Variants in AUTS2 observed in about 807,000 individuals in gnomAD.
AUTS2 encodes activator of transcription and developmental regulator AUTS2.
A neutral mutation model predicts 112.4 loss-of-function variants in AUTS2; 17 were observed. That is an observed-to-expected ratio of 0.15 (90% CI 0.10 to 0.23). The LOEUF is 0.23. Ranked by LOEUF, AUTS2 falls within the 10% of genes least tolerant of loss-of-function variation. The probability of loss-of-function intolerance (pLI) is 1.00; values close to 1 mark genes in which losing one functional copy is unlikely to be tolerated. For missense variants in AUTS2, 1,510 were observed against 1,701.6 expected (o/e 0.89, Z 1.98); for synonymous variants, 751 against 702.7 (o/e 1.07, Z -1.09).
chr7:70,056,647 A>C (rs892884234), intron 2 of AUTS2, among the ~76,000 whole-genome samples: 1 of 152,202 alleles, frequency 6.6e-6, no homozygotes, highest in South Asian at 2.1e-4. Flanking sequence ...AGAACCAGGT[A>C]GAGTTTCTAC....
intron 2 of AUTS2, among the ~76,000 whole-genome samples, chr7:70,044,828 C>T (rs1023321201): frequency 1.3e-5 from 2 of 152,044 alleles, no homozygotes; most frequent in African/African-American, 2.4e-5. Flanking sequence ...CCAGATTCAA[C>T]TGTATTCCAT....
At chr7:70,628,532 T>A (rs1332503564) in intron 5 of AUTS2, among the ~76,000 whole-genome samples, 1 of 146,738 alleles carries the variant, frequency 6.8e-6, no homozygotes, top group Non-Finnish European at 1.5e-5. Context: ...CTGAGATACT[T>A]TGAGAGTAAA....
At position 70,563,631 on chromosome 7, in the gene AUTS2, G is replaced by A. The variant is rs370254651; in HGVS notation, c.690+127850G>A. Among the ~76,000 whole-genome samples, 38 of 152,262 alleles carry A rather than the reference G, an allele frequency of 2.5e-4. No individual in the cohort carries two copies. The East Asian group carries it at 2.9e-3, about 12-fold the overall frequency. Reference sequence around the variant, plus strand: ...CCTCACTTCCCGGAGATGGCGGAGAGGGATTGGGCCCACCAGGTATTCTTT... The same window carrying A: ...CCTCACTTCCCGGAGATGGCGGAGAAGGATTGGGCCCACCAGGTATTCTTT... On this transcript the variant is annotated intron_variant, in intron 5 of 18. Coordinates refer to ENST00000342771, the MANE Select transcript of AUTS2 (RefSeq NM_015570.4).
rs35760947 is a variant in AUTS2, at chr7:70,486,897, TC to T, written c.690+51127del. Among the ~76,000 whole-genome samples the T allele has an allele frequency of 1.5e-3, 148 of 100,470 alleles. 4 individuals carry two copies. The highest frequency in any genetic ancestry group is 5.4e-3 in the African/African-American group (122 of 22,614). 65.9% of individuals were successfully genotyped at this position (100,470 alleles called of 152,430 possible). ...TTCGTTTGTTTTGTTGTTTTTGTAT[TC>T]CCCCCCCCCCAAAAAAAAAGAAGAA... On this transcript the variant is annotated intron_variant, in intron 5 of 18. Coordinates refer to ENST00000342771, the MANE Select transcript of AUTS2 (RefSeq NM_015570.4).
intron 1 of AUTS2, among the ~76,000 whole-genome samples, chr7:69,738,992 C>T (rs1409110313): frequency 6.6e-6 from 1 of 151,966 alleles, no homozygotes; most frequent in Non-Finnish European, 1.5e-5. Context: ...GGGTGGTTTT[C>T]TTAGGTGTAC....
chr7:70,126,383 T>G (rs1805971362), intron 3 of AUTS2, among the ~76,000 whole-genome samples: 3 of 152,130 alleles, frequency 2.0e-5, no homozygotes, highest in Admixed American at 2.0e-4. Context: ...CACTCCAGCC[T>G]GGGTGACAGA....
At chr7:69,800,991 C>A (rs1474402738) in intron 1 of AUTS2, among the ~76,000 whole-genome samples, 1 of 152,052 alleles carries the variant, frequency 6.6e-6, no homozygotes, top group Non-Finnish European at 1.5e-5. Context: ...GGTATTCCTG[C>A]TGTATGCTTC....
At chr7:70,306,595 A>G (rs1227122742) in intron 4 of AUTS2, among the ~76,000 whole-genome samples, 1 of 152,232 alleles carries the variant, frequency 6.6e-6, no homozygotes, top group African/African-American at 2.4e-5. Context: ...ACATTTGCCT[A>G]TCACTACACA....
chr7:70,650,448 A>G lies in AUTS2; in HGVS notation c.691-48121A>G, dbSNP rs1241308398. On this transcript the variant is annotated intron_variant, in intron 5 of 18. Coordinates refer to ENST00000342771, the MANE Select transcript of AUTS2 (RefSeq NM_015570.4). ...TCTGTCTGGGACCTTAAAGTCACTGATTCTGACTTAGCACTTAGGAATCAG... is the reference window on the plus strand; with the variant it reads ...TCTGTCTGGGACCTTAAAGTCACTGGTTCTGACTTAGCACTTAGGAATCAG... Among the ~76,000 whole-genome samples the G allele has an allele frequency of 6.6e-5, 10 of 152,336 alleles. No homozygotes were observed. The East Asian group carries it at 1.9e-3, about 29-fold the overall frequency.
chr7:70,582,179 T>C (rs931191100), intron 5 of AUTS2, among the ~76,000 whole-genome samples: 16 of 152,116 alleles, frequency 1.1e-4, no homozygotes, highest in African/African-American at 3.9e-4. Context: ...TTTTATGAAG[T>C]TGGGGGTTTT....
At chr7:70,016,862 T>G (rs970246832) in intron 2 of AUTS2, among the ~76,000 whole-genome samples, 36 of 152,054 alleles carry the variant, frequency 2.4e-4, no homozygotes, top group Non-Finnish European at 5.1e-4. Flanking sequence ...GAGACAGGGT[T>G]TCACCATGTT....
intron 1 of AUTS2, among the ~76,000 whole-genome samples, chr7:69,617,432 A>C (rs1793441014): frequency 6.6e-6 from 1 of 152,182 alleles, no homozygotes; most frequent in South Asian, 2.1e-4. Flanking sequence ...AGAGCTTTCA[A>C]GGAAAGGGGA....
intron 4 of AUTS2, among the ~76,000 whole-genome samples, chr7:70,152,408 A>T (rs1221334454): frequency 6.6e-6 from 1 of 152,024 alleles, no homozygotes; most frequent in Non-Finnish European, 1.5e-5. Flanking sequence ...ATAAATGCAG[A>T]GGAACAAAGA....
chr7:69,787,395 C>T (rs1046440263), intron 1 of AUTS2, among the ~76,000 whole-genome samples: 1 of 152,154 alleles, frequency 6.6e-6, no homozygotes, highest in Non-Finnish European at 1.5e-5. Flanking sequence ...AAATTCTAAC[C>T]AGAAGTAGTA....
chr7:70,179,102 T>A (rs1388195258), intron 4 of AUTS2, among the ~76,000 whole-genome samples: 3 of 152,076 alleles, frequency 2.0e-5, no homozygotes, highest in African/African-American at 7.2e-5. Flanking sequence ...TCACACCAGC[T>A]CTCCATCTCC....
chr7:70,480,775 A>G (rs1453772810), intron 5 of AUTS2, among the ~76,000 whole-genome samples: 2 of 152,292 alleles, frequency 1.3e-5, no homozygotes, highest in East Asian at 3.9e-4. Flanking sequence ...AACATAATGG[A>G]CCACCAGGAA....
chr7:70,029,499 T>C (rs1262232006), intron 2 of AUTS2, among the ~76,000 whole-genome samples: 1 of 152,148 alleles, frequency 6.6e-6, no homozygotes, highest in Non-Finnish European at 1.5e-5. Context: ...ATTTGTTGAA[T>C]TGGATTATAT....
At chr7:69,736,327 T>C (rs1038598657) in intron 1 of AUTS2, among the ~76,000 whole-genome samples, 1 of 152,190 alleles carries the variant, frequency 6.6e-6, no homozygotes, top group Non-Finnish European at 1.5e-5. Context: ...TGAAATTCCC[T>C]AGGCATCTGA....
chr7:70,550,883 C>T (rs1416390803), intron 5 of AUTS2, among the ~76,000 whole-genome samples: 2 of 152,148 alleles, frequency 1.3e-5, no homozygotes, highest in Non-Finnish European at 2.9e-5. Context: ...TTCCTATTAC[C>T]ATTCTCCAAT....
Sources: gnomAD v4.1 joint callset for allele counts (sites outside exome capture counted in the v4.1 genomes callset) on GRCh38, gnomAD v4.1.1 for gene constraint, MANE v1.5 for transcripts, NCBI Gene and HGNC (gene_info 2026-07-23, HGNC 2026-07-21) for gene names.